Variants in NRG3 observed in about 807,000 individuals in gnomAD.
The protein encoded by NRG3 is pro-neuregulin-3, membrane-bound isoform.
A neutral mutation model predicts 66.9 loss-of-function variants in NRG3; 31 were observed. The observed-to-expected ratio is 0.46, with a 90% CI of 0.35 to 0.63. NRG3 has a LOEUF of 0.63. Among genes scored for constraint, NRG3 ranks in the 20% least tolerant of loss-of-function variants. NRG3 has a pLI of 0.00. For missense variants in NRG3, 910 were observed against 878.9 expected (o/e 1.04, Z -0.45); for synonymous variants, 393 against 359.4 (o/e 1.09, Z -1.06).
chr10:82,294,964 T>C (rs1259983242), intron 1 of NRG3, among the ~76,000 whole-genome samples: 1 of 152,136 alleles, frequency 6.6e-6, no homozygotes, highest in African/African-American at 2.4e-5. Flanking sequence ...AATATAAATA[T>C]ATCAATTCCT....
At chr10:82,705,817 G>T (rs553136539) in intron 2 of NRG3, among the ~76,000 whole-genome samples, 17 of 152,296 alleles carry the variant, frequency 1.1e-4, no homozygotes, top group Admixed American at 1.1e-3. Context: ...AGGGTCTGAA[G>T]CTTGCCTGCC....
intron 4 of NRG3, among the ~76,000 whole-genome samples, chr10:82,899,035 C>T (rs367879848): frequency 1.1e-4 from 17 of 152,126 alleles, no homozygotes; most frequent in South Asian, 4.1e-4. Flanking sequence ...ATTGGTTACA[C>T]GCAGTGAATT....
chr10:82,536,042 G>A (rs1847783190), intron 2 of NRG3, among the ~76,000 whole-genome samples: 1 of 151,824 alleles, frequency 6.6e-6, no homozygotes, highest in African/African-American at 2.4e-5. Context: ...CTTTGTAAAT[G>A]TTGATCTCAG....
intron 8 of NRG3, among the ~76,000 whole-genome samples, chr10:82,983,459 A>G (rs751614592): frequency 4.6e-5 from 7 of 152,194 alleles, no homozygotes; most frequent in Non-Finnish European, 1.0e-4. Flanking sequence ...TAAAGATTAC[A>G]TAACCCCAAA....
chr10:82,132,863 A>G (rs922968849), intron 1 of NRG3, among the ~76,000 whole-genome samples: 5 of 151,654 alleles, frequency 3.3e-5, no homozygotes, highest in Non-Finnish European at 5.9e-5. Context: ...ATTGACATAT[A>G]TTTGCTCATA....
chr10:81,906,210 T>C (rs904636298), intron 1 of NRG3, among the ~76,000 whole-genome samples: 2 of 151,020 alleles, frequency 1.3e-5, no homozygotes, highest in Admixed American at 6.6e-5. Context: ...GCTGTTCTTA[T>C]CATCATCATC....
At chr10:82,204,620 G>T (rs145115029) in intron 1 of NRG3, among the ~76,000 whole-genome samples, 1 of 152,238 alleles carries the variant, frequency 6.6e-6, no homozygotes, top group Non-Finnish European at 1.5e-5. Flanking sequence ...GTTTTCTCAG[G>T]CCTAGGAGTA....
intron 2 of NRG3, among the ~76,000 whole-genome samples, chr10:82,623,011 G>A (rs2049144802): frequency 1.3e-5 from 2 of 151,884 alleles, no homozygotes; most frequent in South Asian, 2.1e-4. Context: ...GTAAGTTAAG[G>A]AGCATTTGTA....
At chr10:82,345,384 C>G (rs2082945671) in intron 1 of NRG3, among the ~76,000 whole-genome samples, 1 of 151,520 alleles carries the variant, frequency 6.6e-6, no homozygotes, top group Non-Finnish European at 1.5e-5. Context: ...AGATATGTGA[C>G]ATTATTTCTG....
intron 1 of NRG3, among the ~76,000 whole-genome samples, chr10:82,299,701 A>T (rs927790210): frequency 6.6e-6 from 1 of 152,128 alleles, no homozygotes; most frequent in African/African-American, 2.4e-5. Flanking sequence ...ACCCTGCGGG[A>T]GGCAAGACCT....
At chr10:82,634,976 G>A (rs2050089567) in intron 2 of NRG3, among the ~76,000 whole-genome samples, 1 of 151,984 alleles carries the variant, frequency 6.6e-6, no homozygotes, top group Non-Finnish European at 1.5e-5. Context: ...ATGGTATATG[G>A]GTTAGCTTGA....
chr10:82,958,849 A>G, intron 5 of NRG3, 100 bp from the exon 6 acceptor site: 2 of 1,315,506 alleles, frequency 1.5e-6, no homozygotes, highest in Admixed American at 2.8e-5. Flanking sequence ...ATTTAACTTT[A>G]GCAAATAACA....
intron 1 of NRG3, among the ~76,000 whole-genome samples, chr10:82,101,729 G>T (rs1021875451): frequency 6.6e-6 from 1 of 151,416 alleles, no homozygotes; most frequent in Admixed American, 6.6e-5. Flanking sequence ...TTTGCTAAGG[G>T]TTGTTTAATA....
At chr10:82,919,425 C>A (rs996143917) in intron 4 of NRG3, among the ~76,000 whole-genome samples, 1 of 151,952 alleles carries the variant, frequency 6.6e-6, no homozygotes, top group Non-Finnish European at 1.5e-5. Flanking sequence ...AAGCAACCAG[C>A]GATTATAGGG....
At chr10:82,061,890 CAT>C (rs1354415180) in intron 1 of NRG3, among the ~76,000 whole-genome samples, 2 of 151,996 alleles carry the variant, frequency 1.3e-5, no homozygotes, top group East Asian at 1.9e-4. Context: ...CACACACACA[CAT>C]ACATCTCTTA....
At chr10:82,505,412 T>C (rs1277328413) in intron 2 of NRG3, among the ~76,000 whole-genome samples, 1 of 152,232 alleles carries the variant, frequency 6.6e-6, no homozygotes, top group East Asian at 1.9e-4. Context: ...AGTATTTCAG[T>C]GTTTTAACAA....
At chr10:82,702,334 T>C (rs553393192) in intron 2 of NRG3, among the ~76,000 whole-genome samples, 90 of 152,342 alleles carry the variant, frequency 5.9e-4, no homozygotes, top group Middle Eastern at 3.4e-3. Flanking sequence ...AAATTGTTTA[T>C]AAATTTTACC....
In NRG3 at chr10:82,560,364, A is replaced by G. The variant is rs911107391; in HGVS notation, c.954-178213A>G. ...GTTCAGGCTATGTTTTATTTCTTTC[A>G]ATAAGATTTAATAATTATTTCCTCA... On this transcript the variant is annotated intron_variant, in intron 2 of 8. Transcript: ENST00000372141. Among the ~76,000 whole-genome samples the G allele has an allele frequency of 1.7e-4, 26 of 151,390 alleles. 1 individual carries two copies. Among genetic ancestry groups the G allele is most frequent in the African/African-American group, 5.8e-4 (24 of 41,406 alleles).
At chr10:82,309,830 C>T (rs1466631933) in intron 1 of NRG3, among the ~76,000 whole-genome samples, 1 of 152,198 alleles carries the variant, frequency 6.6e-6, no homozygotes, top group African/African-American at 2.4e-5. Context: ...TCTAAGCCAA[C>T]ATGTAAACTC....
Sources: allele counts gnomAD v4.1 joint callset (sites outside exome capture counted in the v4.1 genomes callset), GRCh38; gene constraint gnomAD v4.1.1; transcripts MANE v1.5; gene names NCBI Gene and HGNC (gene_info 2026-07-23, HGNC 2026-07-21).